ACVR1C: variants seen among roughly 807,000 people sequenced by gnomAD.
ACVR1C encodes the protein activin A receptor type 1C.
Under a neutral mutation model 57.9 loss-of-function variants are expected in ACVR1C, and 23 were observed. The ratio of observed to expected loss-of-function variants is 0.40; its 90% CI spans 0.29 to 0.56. The LOEUF (loss-of-function observed/expected upper bound fraction) is 0.56. Among genes scored for constraint, ACVR1C ranks in the 20% least tolerant of loss-of-function variants. The probability of loss-of-function intolerance (pLI) is 0.50; values close to 1 mark genes in which losing one functional copy is unlikely to be tolerated. For missense variants in ACVR1C, 480 were observed against 607.9 expected (o/e 0.79, Z 2.21); for synonymous variants, 214 against 215.3 (o/e 0.99, Z 0.05).
At chr2:157,559,863 A>G (rs1488615981) in intron 2 of ACVR1C, among the ~76,000 whole-genome samples, 2 of 151,872 alleles carry the variant, frequency 1.3e-5, no homozygotes, top group Non-Finnish European at 2.9e-5. Context: ...AGACAGCAGG[A>G]AGAAAAGGGG....
chr2:157,539,082 C>T (rs1366619977), intron 7 of ACVR1C, among the ~76,000 whole-genome samples: 2 of 151,374 alleles, frequency 1.3e-5, no homozygotes, highest in African/African-American at 2.4e-5. Flanking sequence ...TGCCATTATA[C>T]AATTTAAAAG....
intron 3 of ACVR1C, among the ~76,000 whole-genome samples, chr2:157,554,223 G>GAAAGAAAGAAAGAAAGAAAGAAAGAA (rs1688007243): frequency 1.1e-5 from 1 of 93,074 alleles, no homozygotes; most frequent in Admixed American, 1.1e-4. Flanking sequence ...AAGAAAGAAA[G>GAAAGAAAGAAAGAAAGAAAGAAAGAA]AAAGAAAGAA....
At chr2:157,538,538 T>C in intron 8 of ACVR1C, 35 bp downstream of exon 8, 2 of 1,505,574 alleles carry the variant, frequency 1.3e-6, no homozygotes, top group Non-Finnish European at 1.8e-6. Context: ...CTCAAAAATA[T>C]AATAAGAAAA....
Position 157,567,378 on chromosome 2 carries a change from C to T in ACVR1C, c.305-11046G>A, listed in dbSNP as rs1353935034. On this transcript the variant is annotated intron_variant, in intron 2 of 8. Coordinates refer to ENST00000243349, the MANE Select transcript of ACVR1C (RefSeq NM_145259.3). ...AAAGCTGGATGGAGAATGATTTTGA[C>T]GAGCTGAGAGAAGAAGGCTTCAGAT... is the stretch of plus-strand genomic sequence containing the variant. Among the ~76,000 whole-genome samples the T allele has an allele frequency of 1.1e-4, 10 of 94,858 alleles. 3 individuals are homozygous for T. Among genetic ancestry groups the T allele is most frequent in the Non-Finnish European group, 2.2e-4 (10 of 45,970 alleles). 62.2% of individuals were successfully genotyped at this position (94,858 alleles called of 152,430 possible).
intron 2 of ACVR1C, among the ~76,000 whole-genome samples, chr2:157,565,834 T>C (rs922185915): frequency 2.0e-5 from 3 of 152,194 alleles, no homozygotes; most frequent in Non-Finnish European, 4.4e-5. Flanking sequence ...TGGGAGTAGA[T>C]GATGAACATC....
In ACVR1C at chr2:157,531,509, T is replaced by C. The variant is rs1041749320; in HGVS notation, c.*2409A>G. 2.0e-5 allele frequency: 3 copies of C among 152,022 alleles called. No individual in the cohort carries two copies. Among genetic ancestry groups the C allele is most frequent in the Non-Finnish European group, 4.4e-5 (3 of 67,930 alleles). 9.4% of individuals were successfully genotyped at this position (152,022 alleles called of 1,614,324 possible). On this transcript the variant is annotated 3_prime_UTR_variant, in exon 9 of 9. Transcript: ENST00000243349. The stretch of plus-strand genomic sequence containing the variant: ...AACATAATGACAAGAAAAATGGAGA[T>C]GGTAAAAAATCCTCTCTTAAAAATT...
At chr2:157,548,764 G>A (rs1687832677) in intron 4 of ACVR1C, among the ~76,000 whole-genome samples, 1 of 152,180 alleles carries the variant, frequency 6.6e-6, no homozygotes, top group South Asian at 2.1e-4. Flanking sequence ...CTTGCTCCAT[G>A]AAACTCAAAA....
chr2:157,562,391 G>T (rs1050001346), intron 2 of ACVR1C, among the ~76,000 whole-genome samples: 5 of 145,752 alleles, frequency 3.4e-5, no homozygotes, highest in Non-Finnish European at 6.0e-5. Context: ...CCAGGAAGAA[G>T]CTGAATCCCT....
chr2:157,563,801 G>C (rs774897994), intron 2 of ACVR1C, among the ~76,000 whole-genome samples: 11 of 152,144 alleles, frequency 7.2e-5, no homozygotes, highest in Admixed American at 7.2e-4. Context: ...AGAGACATCA[G>C]AAATAACACT....
At chr2:157,590,426 A>G (rs563995855) in intron 1 of ACVR1C, among the ~76,000 whole-genome samples, 5 of 151,968 alleles carry the variant, frequency 3.3e-5, no homozygotes, top group Non-Finnish European at 7.4e-5. Context: ...TATTTAAGAA[A>G]GAACAAATTC....
intron 1 of ACVR1C, among the ~76,000 whole-genome samples, chr2:157,587,725 A>G (rs1688959012): frequency 6.6e-6 from 1 of 152,052 alleles, no homozygotes; most frequent in Non-Finnish European, 1.5e-5. Context: ...TTCCTAAATC[A>G]ATAGCTCCTA....
chr2:157,572,215 G>T (rs1489458599), intron 2 of ACVR1C, among the ~76,000 whole-genome samples: 1 of 122,254 alleles, frequency 8.2e-6, no homozygotes, highest in African/African-American at 3.1e-5. Flanking sequence ...GGGGACTGTG[G>T]TGGGGTCGGG....
chr2:157,578,913 T>C (rs1341800137), intron 2 of ACVR1C, among the ~76,000 whole-genome samples: 2 of 152,214 alleles, frequency 1.3e-5, no homozygotes, highest in Non-Finnish European at 2.9e-5. Context: ...TTAATCTCTT[T>C]AGGTGAATTT....
intron 2 of ACVR1C, among the ~76,000 whole-genome samples, chr2:157,566,745 G>A (rs1210325668): frequency 1.3e-5 from 2 of 151,738 alleles, no homozygotes; most frequent in African/African-American, 4.8e-5. Context: ...TAGCACAGCA[G>A]TCTGAGATCA....
chr2:157,581,928 A>G (rs929437631), intron 2 of ACVR1C, among the ~76,000 whole-genome samples: 19 of 152,316 alleles, frequency 1.2e-4, no homozygotes, highest in South Asian at 1.0e-3. Context: ...GGAGATGTCA[A>G]TCACACTCAC....
chr2:157,566,212 T>C (rs1046312917), intron 2 of ACVR1C, among the ~76,000 whole-genome samples: 1 of 152,270 alleles, frequency 6.6e-6, no homozygotes, highest in Non-Finnish European at 1.5e-5. Context: ...AGAAAGTCTT[T>C]GGAAGCAGCA....
chr2:157,608,622 C>A (rs1470613768), intron 1 of ACVR1C, among the ~76,000 whole-genome samples: 1 of 151,602 alleles, frequency 6.6e-6, no homozygotes, highest in Non-Finnish European at 1.5e-5. Context: ...TGAGCTTTTA[C>A]TTGTTAGGAG....
chr2:157,541,096 C>T lies in ACVR1C; in HGVS notation c.1219G>A (p.Val407Ile). 1 of 1,612,482 alleles carries T rather than the reference C, an allele frequency of 6.2e-7. No homozygotes were observed. Among genetic ancestry groups the T allele is most frequent in the Non-Finnish European group, 8.5e-7 (1 of 1,179,574 alleles). ...GATATTTCCAAAATTTTACCTCCGA[C>T]TGAACACCTCCGGGCTATTTCCCAG... is the stretch of plus-strand genomic sequence containing the variant. The part of the protein sequence containing the change: ...VYWEIARRCS[V>I]GGIVEEYQLP... Residue 407 changes from valine (V) to isoleucine (I), a missense_variant, in exon 7 of 9, where the codon GTC (valine) becomes ATC (isoleucine). Transcript: ENST00000243349.
intron 6 of ACVR1C, among the ~76,000 whole-genome samples, chr2:157,541,945 T>G (rs1365606949): frequency 6.6e-6 from 1 of 152,178 alleles, no homozygotes; most frequent in African/African-American, 2.4e-5. Context: ...AGCCTGAAAT[T>G]CAAGTAAAAA....
Sources: allele counts gnomAD v4.1 joint callset (sites outside exome capture counted in the v4.1 genomes callset), GRCh38; gene constraint gnomAD v4.1.1; transcripts MANE v1.5; gene names NCBI Gene and HGNC (gene_info 2026-07-23, HGNC 2026-07-21).